The following NKAIN2 variants were observed in gnomAD, a reference collection of about 807,000 sequenced individuals.
NKAIN2 encodes the protein sodium/potassium-transporting ATPase subunit beta-1-interacting protein 2.
A neutral mutation model predicts 32.6 loss-of-function variants in NKAIN2; 14 were observed. The observed-to-expected ratio is 0.43, with a 90% CI of 0.28 to 0.67. NKAIN2 has a LOEUF of 0.67. NKAIN2 is among the 30% of genes least tolerant of loss of function. The pLI is 0.17. For missense variants in NKAIN2, 198 were observed against 258.3 expected, an observed-to-expected ratio of 0.77 and a Z score of 1.60; for synonymous variants, 80 against 87.2, an observed-to-expected ratio of 0.92 and a Z score of 0.46.
At chr6:124,653,663 T>A (rs912997993) in intron 3 of NKAIN2, among the ~76,000 whole-genome samples, 3 of 152,054 alleles carry the variant, frequency 2.0e-5, no homozygotes, top group African/African-American at 7.2e-5. Context: ...AAGCTGTCCT[T>A]AGTTAAAATT....
intron 3 of NKAIN2, among the ~76,000 whole-genome samples, chr6:124,358,762 A>C (rs894618207): frequency 7.9e-5 from 12 of 151,190 alleles, no homozygotes; most frequent in African/African-American, 2.9e-4. Context: ...GCTGTGCAGA[A>C]GCTCTTTAGT....
At chr6:123,832,721 T>A (rs1774438805) in intron 1 of NKAIN2, among the ~76,000 whole-genome samples, 1 of 152,222 alleles carries the variant, frequency 6.6e-6, no homozygotes, top group Non-Finnish European at 1.5e-5. Context: ...TTCCAGGTGA[T>A]ATATGATGTG....
chr6:124,079,661 C>A (rs1174107166), intron 1 of NKAIN2, among the ~76,000 whole-genome samples: 4 of 152,106 alleles, frequency 2.6e-5, no homozygotes, highest in Non-Finnish European at 5.9e-5. Flanking sequence ...TTTAGCTATC[C>A]TCCTTTTTTC....
intron 1 of NKAIN2, among the ~76,000 whole-genome samples, chr6:124,029,355 G>C (rs950067199): frequency 6.7e-6 from 1 of 148,842 alleles, no homozygotes; most frequent in African/African-American, 2.5e-5. Context: ...TTCTGGACTC[G>C]TAGGAAAAAA....
intron 3 of NKAIN2, among the ~76,000 whole-genome samples, chr6:124,383,013 C>G (rs1260358076): frequency 6.6e-6 from 1 of 152,106 alleles, no homozygotes; most frequent in Non-Finnish European, 1.5e-5. Context: ...CCTCACTTTT[C>G]AAATCAGGAA....
chr6:124,121,984 G>T (rs751764776), intron 1 of NKAIN2: 7 of 644,864 alleles, frequency 1.1e-5, no homozygotes, highest in Non-Finnish European at 1.6e-5. Flanking sequence ...TGTCTACAGG[G>T]TAATATATAT....
chr6:124,819,282 T>C (rs992836067), intron 6 of NKAIN2: 1 of 169,982 alleles, frequency 5.9e-6, no homozygotes, highest in African/African-American at 2.4e-5. Flanking sequence ...CTTTAGTGTG[T>C]AGGATAATAA....
At chr6:124,410,515 T>A (rs1425264209) in intron 3 of NKAIN2, among the ~76,000 whole-genome samples, 4 of 152,136 alleles carry the variant, frequency 2.6e-5, no homozygotes, top group Admixed American at 1.3e-4. Flanking sequence ...TTTGAGTGAG[T>A]TTCTTAATCC....
intron 3 of NKAIN2, among the ~76,000 whole-genome samples, chr6:124,602,618 A>G (rs1308568876): frequency 6.6e-6 from 1 of 151,960 alleles, no homozygotes; most frequent in Non-Finnish European, 1.5e-5. Context: ...GGAAAAGACC[A>G]GCAACTATGA....
At chr6:124,523,620 CTT>C (rs1171590535) in intron 3 of NKAIN2, among the ~76,000 whole-genome samples, 1 of 152,016 alleles carries the variant, frequency 6.6e-6, no homozygotes, top group Non-Finnish European at 1.5e-5. Flanking sequence ...TTTAATAAAA[CTT>C]TATCATTTTG....
At position 124,004,463 on chromosome 6, in the gene NKAIN2, C is replaced by G. The variant is rs565118525; in HGVS notation, c.54+200209C>G. 4.6e-5 allele frequency among the ~76,000 whole-genome samples: 7 copies of G among 151,924 alleles called. No individual in the cohort carries two copies. In the South Asian group the frequency reaches 1.3e-3, roughly 27 times the overall value. ...GTGGGGAAGGAAGAGGGAAGCCAGA[C>G]AGGAAAGGGGAGAGGAAATGAAATA... On this transcript the variant is annotated intron_variant, in intron 1 of 6. Coordinates refer to ENST00000368417, the MANE Select transcript of NKAIN2 (RefSeq NM_001040214.3).
intron 3 of NKAIN2, among the ~76,000 whole-genome samples, chr6:124,365,479 A>G (rs1377862612): frequency 1.3e-5 from 2 of 152,068 alleles, no homozygotes; most frequent in East Asian, 1.9e-4. Flanking sequence ...GTAAATCCAC[A>G]TGAAGATATT....
intron 3 of NKAIN2, among the ~76,000 whole-genome samples, chr6:124,568,822 CAAAAAAAAAAAAA>C (rs3053601): frequency 1.2e-5 from 1 of 80,504 alleles, no homozygotes; most frequent in Admixed American, 1.4e-4. Context: ...AGCACTGTGG[CAAAAAAAAAAAAA>C]AAAAAAAAAA....
intron 1 of NKAIN2, among the ~76,000 whole-genome samples, chr6:123,934,763 C>CGTGACA (rs1458291016): frequency 1.3e-5 from 2 of 151,852 alleles, no homozygotes; most frequent in Admixed American, 6.6e-5. Context: ...GGCCAGTCAC[C>CGTGACA]GTGACAGTGC....
intron 1 of NKAIN2, among the ~76,000 whole-genome samples, chr6:123,850,372 A>C (rs1775287795): frequency 1.1e-5 from 1 of 87,960 alleles, no homozygotes; most frequent in African/African-American, 4.4e-5. Context: ...ATATATATAT[A>C]CACACACACA....
chr6:123,925,780 C>T (rs1280582820), intron 1 of NKAIN2, among the ~76,000 whole-genome samples: 8 of 152,176 alleles, frequency 5.3e-5, no homozygotes, highest in Admixed American at 3.9e-4. Context: ...TAGTTTTCCT[C>T]ACTGATTTTT....
intron 1 of NKAIN2, among the ~76,000 whole-genome samples, chr6:123,882,466 A>G (rs150538434): frequency 7.9e-4 from 121 of 152,254 alleles, no homozygotes; most frequent in Non-Finnish European, 1.2e-3. Context: ...GAAGGAGGTA[A>G]TTTACAGGTC....
At chr6:123,862,136 T>C (rs1222945523) in intron 1 of NKAIN2, among the ~76,000 whole-genome samples, 1 of 152,228 alleles carries the variant, frequency 6.6e-6, no homozygotes, top group Non-Finnish European at 1.5e-5. Context: ...TCAAATCCTC[T>C]GTTTCTTCAT....
At chr6:124,221,990 T>C (rs1791857642) in intron 1 of NKAIN2, among the ~76,000 whole-genome samples, 1 of 152,188 alleles carries the variant, frequency 6.6e-6, no homozygotes, top group South Asian at 2.1e-4. Context: ...TTTGTTCTTT[T>C]TCACTCTGAT....
Sources: gnomAD v4.1 joint callset for allele counts (sites outside exome capture counted in the v4.1 genomes callset) on GRCh38, gnomAD v4.1.1 for gene constraint, MANE v1.5 for transcripts, NCBI Gene and HGNC (gene_info 2026-07-23, HGNC 2026-07-21) for gene names.